The following VMP1 variants were observed in gnomAD, a reference collection of about 807,000 sequenced individuals.
The protein encoded by VMP1 is ectopic P-granules autophagy protein 3 homolog.
In VMP1, 11 loss-of-function variants were observed where a neutral mutation model predicts 56.0. That is an observed-to-expected ratio of 0.20 (90% CI 0.12 to 0.32). The LOEUF (loss-of-function observed/expected upper bound fraction) is 0.32. VMP1 is among the 10% of genes least tolerant of loss of function. The pLI, the probability that VMP1 is intolerant of heterozygous loss-of-function variation, is 1.00. For missense variants in VMP1, 296 were observed against 490.3 expected, an observed-to-expected ratio of 0.60 and a Z score of 3.74; for synonymous variants, 149 against 165.0, an observed-to-expected ratio of 0.90 and a Z score of 0.74.
intron 1 of VMP1, among the ~76,000 whole-genome samples, chr17:59,730,964 A>G (rs554536942): frequency 6.6e-6 from 1 of 152,102 alleles, no homozygotes; most frequent in South Asian, 2.1e-4. Flanking sequence ...CTATTTTTAT[A>G]TAATAATGTT....
intron 10 of VMP1, among the ~76,000 whole-genome samples, chr17:59,827,415 C>T (rs955401094): frequency 7.2e-5 from 11 of 152,116 alleles, no homozygotes; most frequent in African/African-American, 2.7e-4. Context: ...CTCCTGGGTT[C>T]AAGCAATTCT....
At chr17:59,815,191 GCA>G (rs1466515881) in intron 9 of VMP1, among the ~76,000 whole-genome samples, 1 of 152,014 alleles carries the variant, frequency 6.6e-6, no homozygotes, top group African/African-American at 2.4e-5. Context: ...CCCTTCCACT[GCA>G]CAGAGTCAAG....
At chr17:59,792,332 C>T (rs2037261782) in intron 7 of VMP1, among the ~76,000 whole-genome samples, 1 of 152,116 alleles carries the variant, frequency 6.6e-6, no homozygotes, top group Admixed American at 6.6e-5. Context: ...TGACATTTCC[C>T]ATAATAGAGA....
chr17:59,805,197 G>A (rs1419572623), intron 7 of VMP1, among the ~76,000 whole-genome samples: 1 of 152,168 alleles, frequency 6.6e-6, no homozygotes, highest in East Asian at 1.9e-4. Flanking sequence ...GATTGTTGAA[G>A]CTCCCTTAAG....
chr17:59,800,791 G>A (rs1184396753), intron 7 of VMP1, among the ~76,000 whole-genome samples: 1 of 152,034 alleles, frequency 6.6e-6, no homozygotes, highest in Non-Finnish European at 1.5e-5. Flanking sequence ...TAAAACTATA[G>A]CACATACAGG....
At chr17:59,727,674 C>G (rs1189829318) in intron 1 of VMP1, among the ~76,000 whole-genome samples, 1 of 152,156 alleles carries the variant, frequency 6.6e-6, no homozygotes, top group Admixed American at 6.6e-5. Context: ...ATCACTGATA[C>G]AATAACAATG....
At chr17:59,774,086 A>G (rs933489139) in intron 7 of VMP1, among the ~76,000 whole-genome samples, 12 of 152,208 alleles carry the variant, frequency 7.9e-5, no homozygotes, top group African/African-American at 2.4e-4. Flanking sequence ...GAAAAATGCA[A>G]TAAGACAACT....
chr17:59,821,581 C>T (rs555247722), intron 10 of VMP1, among the ~76,000 whole-genome samples: 37 of 141,850 alleles, frequency 2.6e-4, no homozygotes, highest in African/African-American at 9.4e-4. Context: ...GTTTCACTCT[C>T]GTTGCCCAGG....
At chr17:59,822,503 A>G (rs2038491330) in intron 10 of VMP1, among the ~76,000 whole-genome samples, 1 of 151,328 alleles carries the variant, frequency 6.6e-6, no homozygotes, top group Non-Finnish European at 1.5e-5. Flanking sequence ...TAATTTTTGT[A>G]TTTTTAGTAG....
intron 7 of VMP1, among the ~76,000 whole-genome samples, chr17:59,775,853 A>T (rs2645466): frequency 6.6e-6 from 1 of 152,086 alleles, no homozygotes; most frequent in Non-Finnish European, 1.5e-5. Flanking sequence ...CCTCTATCTC[A>T]GTTATCTCAA....
intron 6 of VMP1, among the ~76,000 whole-genome samples, chr17:59,770,889 A>T (rs144088303): frequency 1.9e-4 from 29 of 152,142 alleles, no homozygotes; most frequent in Middle Eastern, 3.4e-3. Flanking sequence ...AGAAACTGTT[A>T]AATAATTTCC....
chr17:59,773,859 A>C lies in VMP1; in HGVS notation c.688A>C (p.Met230Leu). The change falls in exon 7 of 12, where the codon ATG becomes CTG. Residue 230 changes from methionine to leucine, a missense_variant. Met to Leu is a conservative substitution (Grantham distance 15, BLOSUM62 2). Around this residue, in one of 4 missense-constraint regions of VMP1, gnomAD observed 126 missense variants for 231.6 expected, o/e 0.54. Transcript: ENST00000262291. Reference protein sequence around the residue: ...DDEEYQEFEEMLEHAESAQDF... With the variant: ...DDEEYQEFEELLEHAESAQDF... The stretch of plus-strand genomic sequence containing the variant: ...TGAAGAGTATCAGGAATTTGAAGAG[A>C]TGCTGGAACATGCAGAGTCTGCACA... The C allele has an allele frequency of 6.2e-7, 1 of 1,613,276 alleles. No homozygotes were observed. The highest frequency in any genetic ancestry group is 8.5e-7 in the Non-Finnish European group (1 of 1,179,684).
At chr17:59,709,474 T>A (rs2033822738) in intron 1 of VMP1, among the ~76,000 whole-genome samples, 1 of 152,200 alleles carries the variant, frequency 6.6e-6, no homozygotes, top group Non-Finnish European at 1.5e-5. Flanking sequence ...TTGATAAAAA[T>A]TCTGCTCACT....
At chr17:59,836,823 A>T (rs1360570036) in intron 10 of VMP1, among the ~76,000 whole-genome samples, 4 of 151,082 alleles carry the variant, frequency 2.6e-5, no homozygotes, top group African/African-American at 9.7e-5. Flanking sequence ...GAAGTTAGGG[A>T]TATGTTAGCA....
intron 7 of VMP1, among the ~76,000 whole-genome samples, chr17:59,803,171 G>T (rs1270257497): frequency 6.6e-6 from 1 of 152,174 alleles, no homozygotes; most frequent in Non-Finnish European, 1.5e-5. Flanking sequence ...TAGATTCAAA[G>T]ATCAATATTT....
At chr17:59,751,018 C>T (rs1254397439) in intron 5 of VMP1, among the ~76,000 whole-genome samples, 3 of 150,150 alleles carry the variant, frequency 2.0e-5, no homozygotes, top group Non-Finnish European at 4.4e-5. Flanking sequence ...CTGCAAACCC[C>T]GCCTCCTGGG....
chr17:59,776,488 T>C (rs2036621390), intron 7 of VMP1, among the ~76,000 whole-genome samples: 1 of 152,210 alleles, frequency 6.6e-6, no homozygotes, highest in Admixed American at 6.5e-5. Flanking sequence ...ATTTTTAACA[T>C]TTTAAAAATC....
At chr17:59,762,175 G>T (rs893551221) in intron 5 of VMP1, among the ~76,000 whole-genome samples, 2 of 152,122 alleles carry the variant, frequency 1.3e-5, no homozygotes, top group Non-Finnish European at 2.9e-5. Flanking sequence ...TACTTCATCC[G>T]CCGTGAGACA....
intron 7 of VMP1, among the ~76,000 whole-genome samples, chr17:59,790,945 T>C (rs2037202305): frequency 6.6e-6 from 1 of 152,210 alleles, no homozygotes; most frequent in Non-Finnish European, 1.5e-5. Context: ...ATTCACTTTT[T>C]ATATCCAACA....
Sources: gnomAD v4.1 joint callset for allele counts (sites outside exome capture counted in the v4.1 genomes callset) on GRCh38, gnomAD v4.1.1 for gene constraint, gnomAD v4.1.1 regional missense constraint, MANE v1.5 for transcripts, NCBI Gene and HGNC (gene_info 2026-07-23, HGNC 2026-07-21) for gene names.